The following NFKBIZ variants were observed in gnomAD, a reference collection of about 807,000 sequenced individuals.
NFKBIZ encodes the protein NF-kappa-B inhibitor zeta.
A neutral mutation model predicts 76.8 loss-of-function variants in NFKBIZ; 19 were observed. The observed-to-expected ratio is 0.25, with a 90% CI of 0.17 to 0.36. NFKBIZ has a LOEUF of 0.36. Among genes scored for constraint, NFKBIZ ranks in the 10% least tolerant of loss-of-function variants. The probability of loss-of-function intolerance (pLI) is 1.00; values close to 1 mark genes in which losing one functional copy is unlikely to be tolerated. For missense variants in NFKBIZ, 829 were observed against 910.9 expected (o/e 0.91, Z 1.16); for synonymous variants, 368 against 354.8 (o/e 1.04, Z -0.42).
At chr3:101,851,528 C>G (rs1409858127) in intron 1 of NFKBIZ, among the ~76,000 whole-genome samples, 1 of 152,196 alleles carries the variant, frequency 6.6e-6, no homozygotes, top group Admixed American at 6.5e-5. Flanking sequence ...GGTTTTCGTA[C>G]ATAGAGATCT....
chr3:101,842,211 G>C (rs1942793808), intron 2 of NFKBIZ, among the ~76,000 whole-genome samples: 1 of 152,208 alleles, frequency 6.6e-6, no homozygotes, highest in Non-Finnish European at 1.5e-5. Context: ...AGTCTTGAGT[G>C]AGTGTTGGGT....
intron 2 of NFKBIZ, among the ~76,000 whole-genome samples, chr3:101,836,187 C>G (rs1478320906): frequency 2.0e-5 from 3 of 152,154 alleles, no homozygotes; most frequent in African/African-American, 7.2e-5. Context: ...AATTAGAACT[C>G]AGAGAAAAGG....
chr3:101,831,789 T>C (rs552157819), intron 2 of NFKBIZ, among the ~76,000 whole-genome samples: 1 of 152,190 alleles, frequency 6.6e-6, no homozygotes, highest in Admixed American at 6.5e-5. Context: ...TACAGGCACA[T>C]GCCACCACGC....
intron 2 of NFKBIZ, among the ~76,000 whole-genome samples, chr3:101,835,116 C>T (rs937290474): frequency 6.6e-6 from 1 of 152,200 alleles, no homozygotes; most frequent in East Asian, 1.9e-4. Context: ...GACACTACCA[C>T]GTTTAACCTA....
At chr3:101,851,944 G>T in intron 1 of NFKBIZ, 141 bp from the exon 2 acceptor site, 1 of 939,760 alleles carries the variant, frequency 1.1e-6, no homozygotes, top group African/African-American at 1.7e-5. Flanking sequence ...GCCATTGATT[G>T]ACCAGAGCAA....
At chr3:101,843,332 A>C (rs533064112) in intron 2 of NFKBIZ, among the ~76,000 whole-genome samples, 2 of 152,136 alleles carry the variant, frequency 1.3e-5, no homozygotes, top group African/African-American at 2.4e-5. Context: ...AGTCCTAGCT[A>C]CTGGGGAGAC....
intron 2 of NFKBIZ, among the ~76,000 whole-genome samples, chr3:101,838,764 T>G (rs1213940270): frequency 6.6e-6 from 1 of 152,218 alleles, no homozygotes; most frequent in Non-Finnish European, 1.5e-5. Context: ...GAGAATTCAG[T>G]TTTCCTCACT....
chr3:101,858,169 A>T, intron 11 of NFKBIZ: 2 of 985,352 alleles, frequency 2.0e-6, no homozygotes, highest in Non-Finnish European at 2.4e-6. Context: ...TGGGTAGGTC[A>T]TTACATACTT....
chr3:101,833,218 G>T (rs748962915), intron 2 of NFKBIZ, among the ~76,000 whole-genome samples: 4 of 152,176 alleles, frequency 2.6e-5, no homozygotes, highest in African/African-American at 4.8e-5. Context: ...AACCTAGGGA[G>T]GCTTGCTGGA....
At chr3:101,843,333 C>T (rs1352245633) in intron 2 of NFKBIZ, among the ~76,000 whole-genome samples, 2 of 152,038 alleles carry the variant, frequency 1.3e-5, no homozygotes, top group Non-Finnish European at 2.9e-5. Flanking sequence ...GTCCTAGCTA[C>T]TGGGGAGACT....
In NFKBIZ at chr3:101,853,299, A is replaced by G; in HGVS notation, c.773A>G (p.His258Arg). 1 of 1,614,172 alleles carries G rather than the reference A, an allele frequency of 6.2e-7. No homozygotes were observed. Among genetic ancestry groups the G allele is most frequent in the East Asian group, 2.2e-5 (1 of 44,892 alleles). ...CCCGCAGAGCAGTGTCAGGACTTCC[A>G]TGGAGGGCAGGTCTTTTCTCCACCT... The part of the protein sequence containing the change: ...SSPAEQCQDF[H>R]GGQVFSPPQK... Residue 258 changes from histidine (H) to arginine (R), a missense_variant, in exon 5 of 12, where the codon CAT becomes CGT. His to Arg is a conservative substitution (Grantham distance 29). Transcript: ENST00000326172.
upstream of NFKBIZ, chr3:101,848,926 A>G (rs958866366): frequency 3.3e-5 from 5 of 152,198 alleles, no homozygotes; most frequent in Non-Finnish European, 7.3e-5. Context: ...GACAAACGCT[A>G]TGTTTGAGAA....
intron 2 of NFKBIZ, among the ~76,000 whole-genome samples, chr3:101,833,734 C>A (rs1489924098): frequency 6.6e-6 from 1 of 152,132 alleles, no homozygotes; most frequent in East Asian, 1.9e-4. Context: ...TTGTAAACAG[C>A]CAATGAAAAC....
intron 10 of NFKBIZ, 43 bp from the exon 11 acceptor site, chr3:101,857,249 T>A: frequency 6.2e-7 from 1 of 1,612,480 alleles, no homozygotes. Context: ...TTCATGAAAT[T>A]TCCCCCTTCC....
intron 2 of NFKBIZ, among the ~76,000 whole-genome samples, chr3:101,843,801 A>G (rs1942817031): frequency 6.6e-6 from 1 of 152,206 alleles, no homozygotes; most frequent in Admixed American, 6.5e-5. Context: ...GAGTTATGCA[A>G]ATTTTCTAAA....
At chr3:101,850,309 T>G in intron 1 of NFKBIZ, 1 of 173,944 alleles carries the variant, frequency 5.7e-6, no homozygotes, top group Non-Finnish European at 1.2e-5. Flanking sequence ...TGGAAAGCTG[T>G]AGCAGAGGAT....
chr3:101,857,257 TC>T (rs1286284035), intron 10 of NFKBIZ, 34 bp from the exon 11 acceptor site: 1 of 1,612,960 alleles, frequency 6.2e-7, no homozygotes, highest in African/African-American at 1.3e-5. Context: ...ATTTCCCCCT[TC>T]CTGATGTCTG....
intron 2 of NFKBIZ, among the ~76,000 whole-genome samples, chr3:101,835,328 C>T (rs993647082): frequency 9.9e-5 from 15 of 152,050 alleles, no homozygotes; most frequent in African/African-American, 3.6e-4. Context: ...AATTTGGAGG[C>T]AAGAATTAGT....
chr3:101,836,399 G>A (rs1942721046), intron 2 of NFKBIZ, among the ~76,000 whole-genome samples: 1 of 152,156 alleles, frequency 6.6e-6, no homozygotes, highest in African/African-American at 2.4e-5. Context: ...TTTCTTCCTT[G>A]ACCTTGCTTT....
Sources: allele counts gnomAD v4.1 joint callset (sites outside exome capture counted in the v4.1 genomes callset), GRCh38; gene constraint gnomAD v4.1.1; transcripts MANE v1.5; gene names NCBI Gene and HGNC (gene_info 2026-07-23, HGNC 2026-07-21).